The following MGAM variants were observed in gnomAD, a reference collection of about 807,000 sequenced individuals.
MGAM encodes the protein maltase-glucoamylase.
MGAM carries 253 observed loss-of-function variants against 358.8 expected under a neutral mutation model. The ratio of observed to expected loss-of-function variants is 0.71; its 90% confidence interval spans 0.64 to 0.78. The LOEUF (loss-of-function observed/expected upper bound fraction) is 0.78. Among genes scored for constraint, MGAM ranks in the 30% least tolerant of loss-of-function variants. MGAM has a pLI of 0.00. For synonymous variants in MGAM, 1,105 were observed against 1,227.1 expected (o/e 0.90, Z 2.08); for missense variants, 3,080 against 3,432.6 (o/e 0.90, Z 2.57).
intron 21 of MGAM, among the ~76,000 whole-genome samples, chr7:142,045,149 A>G (rs1291684343): frequency 2.7e-4 from 9 of 33,372 alleles, no homozygotes; most frequent in African/African-American, 5.6e-4. Flanking sequence ...TATATATCAT[A>G]TATGTGATAT....
rs782421619 is a variant in MGAM, at chr7:142,019,324, G to A, written c.448+5G>A. 6.2e-7 allele frequency: 1 copy of A among 1,611,378 alleles called. No homozygotes were observed. The highest frequency in any genetic ancestry group is 1.7e-4 in the Middle Eastern group (1 of 6,054). ...ACCTTGTCAACACAAATGCAGGTAA[G>A]CCAGAGTCTGCCATGATGCAGGAGG... On this transcript the variant is annotated splice_donor_5th_base_variant and intron_variant, in intron 4 of 70. Coordinates refer to ENST00000475668, the MANE Select transcript of MGAM (RefSeq NM_001365693.1).
intron 35 of MGAM, among the ~76,000 whole-genome samples, chr7:142,063,010 C>A (rs573844269): frequency 1.3e-5 from 2 of 152,212 alleles, no homozygotes; most frequent in Admixed American, 1.3e-4. Flanking sequence ...ACCAGCCTGA[C>A]CAACATGGAG....
chr7:142,024,182 T>C (rs1394208266), intron 7 of MGAM, among the ~76,000 whole-genome samples: 1 of 151,914 alleles, frequency 6.6e-6, no homozygotes, highest in East Asian at 1.9e-4. Context: ...TGAACCGAGA[T>C]TGAGCCGCTG....
intron 21 of MGAM, among the ~76,000 whole-genome samples, chr7:142,045,249 A>G (rs1249225357): frequency 3.3e-5 from 3 of 89,594 alleles, no homozygotes; most frequent in Non-Finnish European, 5.8e-5. Flanking sequence ...CATATAATAT[A>G]TGATATATAA....
At position 142,021,719 on chromosome 7, in the gene MGAM, G is replaced by T. The variant is rs183067128; in HGVS notation, c.692G>T (p.Arg231Ile). 8.1e-6 allele frequency: 13 copies of T among 1,613,900 alleles called. No individual in the cohort carries two copies. In the Admixed American group the frequency reaches 1.8e-4, roughly 23 times the overall value. ...CCATTTAGCATCAAAGTGACCAGAA[G>T]AAGCAACAATCGTGTTTTGTAAGTT... ...RQPFSIKVTR[R>I]SNNRVLFDSS... is the part of the protein sequence containing the mutation. The change falls in exon 6 of 71, where the codon AGA becomes ATA. Residue 231 changes from arginine to isoleucine, a missense_variant. Physicochemically the swap from Arg to Ile is moderately conservative, Grantham distance 97. Around this residue, in one of 5 missense-constraint regions of MGAM, gnomAD observed 1,816 missense variants for 1,840.5 expected, o/e 0.99. Coordinates refer to ENST00000475668, the MANE Select transcript of MGAM (RefSeq NM_001365693.1).
At chr7:142,054,445 A>G (rs544081695) in intron 26 of MGAM, among the ~76,000 whole-genome samples, 3 of 152,126 alleles carry the variant, frequency 2.0e-5, no homozygotes, top group African/African-American at 4.8e-5. Flanking sequence ...TTATTTATAT[A>G]TACTCATATA....
intron 21 of MGAM, among the ~76,000 whole-genome samples, chr7:142,042,043 A>AT (rs1808821605): frequency 7.0e-5 from 3 of 42,820 alleles, no homozygotes; most frequent in African/African-American, 4.2e-4. Flanking sequence ...ATATACATAT[A>AT]ATATATAATA....
intron 14 of MGAM, 21 bp from the exon 15 acceptor site, chr7:142,034,241 T>C: frequency 1.3e-6 from 2 of 1,522,604 alleles, no homozygotes; most frequent in Non-Finnish European, 1.8e-6. Context: ...CTCTCACTGA[T>C]TGATCCTGCT....
chr7:142,102,341 G>T (rs900332975), intron 68 of MGAM, among the ~76,000 whole-genome samples: 5 of 152,178 alleles, frequency 3.3e-5, no homozygotes, highest in Admixed American at 6.5e-5. Flanking sequence ...ACTTAAAAAT[G>T]GTGTCAGGAA....
At chr7:142,030,574 T>C (rs1554462994) in intron 11 of MGAM, 67 bp from the exon 12 acceptor site, 1 of 1,605,378 alleles carries the variant, frequency 6.2e-7, no homozygotes, top group African/African-American at 1.3e-5. Flanking sequence ...TCTCCCCCAG[T>C]TCCCAGTCTC....
At chr7:142,007,599 G>C (rs1342304831) in intron 2 of MGAM, among the ~76,000 whole-genome samples, 1 of 152,070 alleles carries the variant, frequency 6.6e-6, no homozygotes. Context: ...CCAATCAAAA[G>C]ACACTGTTTT....
Position 142,071,015 on chromosome 7 carries a change from G to A in MGAM, c.5083G>A (p.Gly1695Arg), listed in dbSNP as rs768704200. Residue 1695 changes from glycine (G) to arginine (R), a missense_variant, in exon 44 of 71, where the codon GGA becomes AGA. Gly to Arg is a moderately radical substitution (Grantham distance 125). Coordinates refer to ENST00000475668, the MANE Select transcript of MGAM (RefSeq NM_001365693.1). ...CCAGGGTGTGGATATTAATGCAAGA[G>A]GAGAGTGGAAGACCTTGCCAGCCCC... ...YYTGVDINAR[G>R]EWKTLPAPLD... is the part of the protein sequence containing the mutation. 1.1e-4 allele frequency: 176 copies of A among 1,556,138 alleles called. 27 individuals are homozygous for A. The highest frequency in any genetic ancestry group is 1.5e-4 in the Non-Finnish European group (169 of 1,132,496).
chr7:142,025,115 C>T lies in MGAM; in HGVS notation c.948C>T (p.Ser316=). The T allele has an allele frequency of 6.2e-7, 1 of 1,613,112 alleles. No individual in the cohort carries two copies. The highest frequency in any genetic ancestry group is 8.5e-7 in the Non-Finnish European group (1 of 1,179,202). ...GCCTTGAAGATGCTAGTGGATTGTC[C>T]TTTGGGGTGTTTCTGATGAACAGCA... ...FLCLEDASGL[S]FGVFLMNSNA... Residue 316 remains serine (S), a synonymous_variant, in exon 8 of 71, where the codon TCC becomes TCT. Transcript: ENST00000475668.
intron 40 of MGAM, among the ~76,000 whole-genome samples, chr7:142,066,153 G>T (rs1271803140): frequency 3.5e-5 from 5 of 144,376 alleles, no homozygotes; most frequent in African/African-American, 1.2e-4. Context: ...GTAGAAATGG[G>T]ATCTTGCCAT....
At chr7:142,060,219 C>G (rs1386085341) in intron 33 of MGAM, 92 bp from the exon 34 acceptor site, 1 of 1,532,154 alleles carries the variant, frequency 6.5e-7, no homozygotes. Context: ...ATTATTGCTC[C>G]TAGGAGCACG....
chr7:142,061,920 A>T (rs1812240420), intron 34 of MGAM, among the ~76,000 whole-genome samples: 1 of 152,222 alleles, frequency 6.6e-6, no homozygotes, highest in South Asian at 2.1e-4. Context: ...AATGTAGTTA[A>T]AAAGTTGTAT....
intron 3 of MGAM, among the ~76,000 whole-genome samples, chr7:142,016,599 T>C (rs1469534490): frequency 2.6e-5 from 4 of 152,306 alleles, no homozygotes; most frequent in African/African-American, 9.6e-5. Context: ...TTTTATTTTA[T>C]TTTATTGTTT....
Position 142,077,396 on chromosome 7 carries a change from A to G in MGAM, c.5493+570A>G, listed in dbSNP as rs10259742. ...GGGAAGTACAAGATGGTTTAGATTT[A>G]GAGGAGACTGGGAGAAGGATGATAA... is the stretch of plus-strand genomic sequence containing the variant. On this transcript the variant is annotated intron_variant, in intron 47 of 70. Transcript: ENST00000475668. Among the ~76,000 whole-genome samples, 830 of 145,624 alleles carry G rather than the reference A, an allele frequency of 5.7e-3. 44 individuals are homozygous for G. Among genetic ancestry groups the G allele is most frequent in the African/African-American group, 0.017 (705 of 41,116 alleles).
rs577358556 is a variant in MGAM at position 142,046,817 on chromosome 7, A to G, written c.2499-968A>G. ...TGGAACTGTGGTTCTGGACTCCTAG[A>G]ATATCCTAACTTTTGTGTTGTTTTC... On this transcript the variant is annotated intron_variant, in intron 21 of 70. Coordinates refer to ENST00000475668, the MANE Select transcript of MGAM (RefSeq NM_001365693.1). Among the ~76,000 whole-genome samples the G allele has an allele frequency of 7.8e-4, 119 of 152,212 alleles. 2 individuals carry two copies. Among genetic ancestry groups the G allele is most frequent in the Admixed American group, 7.0e-3 (107 of 15,254 alleles).
Sources: allele counts gnomAD v4.1 joint callset (sites outside exome capture counted in the v4.1 genomes callset), GRCh38; gene constraint gnomAD v4.1.1; regional missense constraint gnomAD v4.1.1; transcripts MANE v1.5; gene names NCBI Gene and HGNC (gene_info 2026-07-23, HGNC 2026-07-21).